HSP90B1: variants seen among roughly 807,000 people sequenced by gnomAD.
HSP90B1 encodes heat shock protein 90 beta family member 1, also known as endoplasmin.
HSP90B1 carries 27 observed loss-of-function variants against 100.4 expected under a neutral mutation model. The ratio of observed to expected loss-of-function variants is 0.27; its 90% CI spans 0.20 to 0.37. HSP90B1 has a LOEUF of 0.37. Among genes scored for constraint, HSP90B1 ranks in the 10% least tolerant of loss-of-function variants. The pLI is 1.00. For synonymous variants in HSP90B1, 304 were observed against 330.8 expected (o/e 0.92, Z 0.88); for missense variants, 678 against 960.5 (o/e 0.71, Z 3.89).
At chr12:103,941,217 A>C (rs1381160617) in intron 8 of HSP90B1, among the ~76,000 whole-genome samples, 193 bp from the exon 9 acceptor site, 4 of 152,158 alleles carry the variant, frequency 2.6e-5, no homozygotes, top group Admixed American at 2.6e-4. Flanking sequence ...GCAATTCTAG[A>C]TATTTCTTCA....
At chr12:103,946,388 A>C (rs1347307918) in intron 14 of HSP90B1, among the ~76,000 whole-genome samples, 1 of 152,006 alleles carries the variant, frequency 6.6e-6, no homozygotes, top group Non-Finnish European at 1.5e-5. Flanking sequence ...AGAATACGGT[A>C]TTTTCTATCT....
At position 103,941,470 on chromosome 12, in the gene HSP90B1, T is replaced by A. The variant is rs1399931391; in HGVS notation, c.1153T>A (p.Ser385Thr). ...FTAEGEVTFK[S>T]ILFVPTSAPR... ...TGCTGAAGGGGAAGTTACCTTCAAA[T>A]CAATTTTATTTGTACCCACATCTGC... Residue 385 changes from serine to threonine, a missense_variant, in exon 9 of 18, where the codon TCA (serine) becomes ACA (threonine). By Grantham distance (58) the Ser-to-Thr change is moderately conservative. This residue lies in a region of HSP90B1 where 44 missense variants were observed against 110.8 expected (regional missense o/e 0.40). Transcript: ENST00000299767. 2 of 1,613,544 alleles carry A rather than the reference T, an allele frequency of 1.2e-6. No individual in the cohort carries two copies. The highest frequency in any genetic ancestry group is 8.5e-7 in the Non-Finnish European group (1 of 1,179,836).
intron 5 of HSP90B1, among the ~76,000 whole-genome samples, chr12:103,936,527 G>A (rs994218689): frequency 6.6e-6 from 1 of 150,868 alleles, no homozygotes; most frequent in Non-Finnish European, 1.5e-5. Context: ...CATGCCTGTA[G>A]TCCCAGCTAC....
In HSP90B1 at chr12:103,943,434, T is replaced by A; in HGVS notation, c.1890+115T>A. 2.1e-6 allele frequency: 2 copies of A among 954,830 alleles called. No homozygotes were observed. Among genetic ancestry groups the A allele is most frequent in the Middle Eastern group, 2.2e-4 (1 of 4,554 alleles). 59.1% of individuals were successfully genotyped at this position (954,830 alleles called of 1,614,324 possible). ...TTTGTAACCATTAGAATGGTAAAAA[T>A]TTAATTAATGTAATTAAATTATTGG... On this transcript the variant is annotated intron_variant, in intron 13 of 17. Coordinates refer to ENST00000299767, the MANE Select transcript of HSP90B1 (RefSeq NM_003299.3). The surrounding 1 kb of genome is among the most constrained non-coding windows in gnomAD (Gnocchi z 5.3).
chr12:103,938,502 G>A (rs756166823), intron 7 of HSP90B1, 43 bp downstream of exon 7: 4 of 1,578,544 alleles, frequency 2.5e-6, no homozygotes, highest in Non-Finnish European at 3.4e-6. Flanking sequence ...TGTTTAACAT[G>A]TATAGGCAAA....
In HSP90B1 at chr12:103,947,699, G is replaced by A; in HGVS notation, c.*37G>A. 6.4e-7 allele frequency: 1 copy of A among 1,551,796 alleles called. No homozygotes were observed. Among genetic ancestry groups the A allele is most frequent in the East Asian group, 2.2e-5 (1 of 44,550 alleles). On this transcript the variant is annotated 3_prime_UTR_variant, in exon 18 of 18. Transcript: ENST00000299767. The stretch of plus-strand genomic sequence containing the variant: ...ACCATTTGGATCCTGTGTGGAGAGG[G>A]AATGTGAAATTTACATCATTTCTTT...
Position 103,930,441 on chromosome 12 carries a change from G to T in HSP90B1, c.-75G>T. ...CGGACCGCGCGGCTGGAGGTGTGAGGATCCGAACCCAGGGGTGGGGGGTGG... is the reference window on the plus strand; with the variant it reads ...CGGACCGCGCGGCTGGAGGTGTGAGTATCCGAACCCAGGGGTGGGGGGTGG... On this transcript the variant is annotated 5_prime_UTR_variant, in exon 1 of 18. Coordinates refer to ENST00000299767, the MANE Select transcript of HSP90B1 (RefSeq NM_003299.3). This position sits in a 1 kb window ranked among gnomAD's most constrained non-coding sequence, Gnocchi z 4.4. 1 of 1,439,600 alleles carries T rather than the reference G, an allele frequency of 6.9e-7. No individual in the cohort carries two copies. Among genetic ancestry groups the T allele is most frequent in the Non-Finnish European group, 9.4e-7 (1 of 1,060,350 alleles). 89.2% of individuals were successfully genotyped at this position (1,439,600 alleles called of 1,614,324 possible). A position where few individuals can be genotyped will look rare whatever the true frequency, so the allele number is the denominator to read the frequency against.
intron 8 of HSP90B1, 88 bp from the exon 9 acceptor site, chr12:103,941,322 T>G (rs1024214349): frequency 2.9e-5 from 39 of 1,346,442 alleles, no homozygotes; most frequent in Non-Finnish European, 3.5e-5. Flanking sequence ...ATTGCTAAAC[T>G]GAATATGTAC....
intron 3 of HSP90B1, 53 bp from the exon 4 acceptor site, chr12:103,932,773 T>A: frequency 2.2e-6 from 2 of 930,064 alleles, no homozygotes; most frequent in East Asian, 4.8e-5. Context: ...AAATCGAATA[T>A]CTTAATGCAT....
chr12:103,934,016 G>C lies in HSP90B1; in HGVS notation c.472G>C (p.Glu158Gln). ...TDTGVGMTRE[E>Q]LVKNLGTIAK... ...CACCGGTGTAGGAATGACCAGAGAA[G>C]AGTTGGTTAAAAACCTTGGTACCAT... is the stretch of plus-strand genomic sequence containing the variant. Residue 158 changes from glutamate to glutamine, a missense_variant, in exon 5 of 18, where the codon GAG becomes CAG. Physicochemically the swap from Glu to Gln is conservative, Grantham distance 29. Around this residue, in one of 8 missense-constraint regions of HSP90B1, gnomAD observed 238 missense variants for 346.7 expected, o/e 0.69. Coordinates refer to ENST00000299767, the MANE Select transcript of HSP90B1 (RefSeq NM_003299.3). The C allele has an allele frequency of 6.2e-7, 1 of 1,614,208 alleles. No individual in the cohort carries two copies. Among genetic ancestry groups the C allele is most frequent in the Non-Finnish European group, 8.5e-7 (1 of 1,180,020 alleles).
At chr12:103,939,454 A>G (rs1313256355) in intron 7 of HSP90B1, 55 bp from the exon 8 acceptor site, 2 of 755,084 alleles carry the variant, frequency 2.6e-6, no homozygotes, top group Non-Finnish European at 4.4e-6. Flanking sequence ...GGTTACTGCT[A>G]GGATAACCTT....
At position 103,938,064 on chromosome 12, in the gene HSP90B1, G is replaced by A. The variant is rs569506835; in HGVS notation, c.855+258G>A. Among the ~76,000 whole-genome samples, 13 of 151,936 alleles carry A rather than the reference G, an allele frequency of 8.6e-5. No homozygotes were observed. The South Asian group carries it at 1.9e-3, about 22-fold the overall frequency. On this transcript the variant is annotated intron_variant, in intron 6 of 17. Coordinates refer to ENST00000299767, the MANE Select transcript of HSP90B1 (RefSeq NM_003299.3). Reference sequence around the variant, plus strand: ...CACACGCCTGTAATCCCAGCTACTCGGGAGGCTGAAGCAGGAGAATTGCTT... The same window carrying A: ...CACACGCCTGTAATCCCAGCTACTCAGGAGGCTGAAGCAGGAGAATTGCTT...
Position 103,931,575 on chromosome 12 carries a change from T to C in HSP90B1, c.104T>C (p.Leu35Pro), listed in dbSNP as rs1869762767. 6.2e-7 allele frequency: 1 copy of C among 1,613,870 alleles called. No individual in the cohort carries two copies. The highest frequency in any genetic ancestry group is 1.3e-5 in the African/African-American group (1 of 75,056). The change falls in exon 2 of 18, where the codon CTG becomes CCG. Residue 35 changes from leucine to proline, a missense_variant. Leu to Pro is a moderately conservative substitution (Grantham distance 98). Around this residue, in one of 8 missense-constraint regions of HSP90B1, gnomAD observed 88 missense variants for 88.2 expected, o/e 1.00. Coordinates refer to ENST00000299767, the MANE Select transcript of HSP90B1 (RefSeq NM_003299.3). ...GTGGATGGTACAGTAGAAGAGGATC[T>C]GGGTAAAAGTAGAGAAGGATCAAGG... Reference protein sequence around the residue: ...VDVDGTVEEDLGKSREGSRTD... With the variant: ...VDVDGTVEEDPGKSREGSRTD...
At position 103,947,030 on chromosome 12, in the gene HSP90B1, G is replaced by A. The variant is rs1263002702; in HGVS notation, c.2262+89G>A. On this transcript the variant is annotated intron_variant, in intron 16 of 17. Coordinates refer to ENST00000299767, the MANE Select transcript of HSP90B1 (RefSeq NM_003299.3). ...AGGCCTCTCATGATTGAGGGATGTA[G>A]CTTTGCGACATTTGCCTAATTTCTA... The A allele has an allele frequency of 3.6e-6, 5 of 1,395,022 alleles. No individual in the cohort carries two copies. In the South Asian group the frequency reaches 4.1e-5, roughly 12 times the overall value. 86.4% of individuals were successfully genotyped at this position (1,395,022 alleles called of 1,614,324 possible).
chr12:103,946,977 GCTTT>G (rs751710633), intron 16 of HSP90B1, 36 bp downstream of exon 16: 55 of 1,589,094 alleles, frequency 3.5e-5, no homozygotes, highest in Non-Finnish European at 4.1e-5. Flanking sequence ...AGGCTGGCTG[GCTTT>G]CTTTGTTTCT....
chr12:103,934,147 C>A lies in HSP90B1; in HGVS notation c.603C>A (p.Ser201=). Residue 201 remains serine, a synonymous_variant, in exon 5 of 18, where the codon TCC becomes TCA. Coordinates refer to ENST00000299767, the MANE Select transcript of HSP90B1 (RefSeq NM_003299.3). Reference sequence around the variant, plus strand: ...GCCAGTTTGGTGTCGGTTTCTATTCCGCCTTCCTTGTAGCAGATAAGGTTA... The same window carrying A: ...GCCAGTTTGGTGTCGGTTTCTATTCAGCCTTCCTTGTAGCAGATAAGGTTA... ...LIGQFGVGFY[S]AFLVADKVIV... The A allele has an allele frequency of 6.2e-7, 1 of 1,614,178 alleles. No individual in the cohort carries two copies. Among genetic ancestry groups the A allele is most frequent in the South Asian group, 1.1e-5 (1 of 91,078 alleles).
intron 5 of HSP90B1, among the ~76,000 whole-genome samples, chr12:103,934,598 TTGTC>T (rs768304438): frequency 2.0e-5 from 3 of 152,310 alleles, no homozygotes; most frequent in South Asian, 4.1e-4. Flanking sequence ...GAAGAGTAAT[TTGTC>T]TGTGGAGCAT....
chr12:103,936,882 C>T (rs2136214172), intron 5 of HSP90B1, among the ~76,000 whole-genome samples: 1 of 152,258 alleles, frequency 6.6e-6, no homozygotes, highest in African/African-American at 2.4e-5. Flanking sequence ...TTTGTCATAT[C>T]ATGGCTACTT....
chr12:103,947,564 AAACCTG>A (rs1421291859), intron 17 of HSP90B1, 63 bp from the exon 18 acceptor site: 11 of 1,564,904 alleles, frequency 7.0e-6, no homozygotes, highest in Non-Finnish European at 9.6e-6. Flanking sequence ...TTTCATGCAC[AAACCTG>A]TGAGCTAGGT....
Sources: gnomAD v4.1 joint callset for allele counts (sites outside exome capture counted in the v4.1 genomes callset) on GRCh38, gnomAD v4.1.1 for gene constraint, gnomAD v4.1.1 regional missense constraint, Gnocchi (gnomAD v3.1) non-coding constraint, MANE v1.5 for transcripts, NCBI Gene and HGNC (gene_info 2026-07-23, HGNC 2026-07-21) for gene names.